LRMDA: variants seen among roughly 807,000 people sequenced by gnomAD.
LRMDA encodes the protein leucine-rich melanocyte differentiation-associated protein.
In LRMDA, 18 loss-of-function variants were observed where a neutral mutation model predicts 29.8. That is an observed-to-expected ratio of 0.60 (90% CI 0.42 to 0.90). The LOEUF is 0.90. LRMDA is among the 40% of genes least tolerant of loss of function. LRMDA has a pLI of 0.00. For synonymous variants in LRMDA, 125 were observed against 109.4 expected, an observed-to-expected ratio of 1.14 and a Z score of -0.89; for missense variants, 273 against 273.9, an observed-to-expected ratio of 1.00 and a Z score of 0.02.
chr10:76,359,373 G>A (rs1215179667), intron 6 of LRMDA, among the ~76,000 whole-genome samples: 1 of 152,120 alleles, frequency 6.6e-6, no homozygotes, highest in Non-Finnish European at 1.5e-5. Flanking sequence ...GAGAATATGA[G>A]ACATTCATTA....
intron 5 of LRMDA, among the ~76,000 whole-genome samples, chr10:76,160,647 C>A (rs113299930): frequency 1.4e-4 from 21 of 151,972 alleles, no homozygotes; most frequent in Non-Finnish European, 2.8e-4. Flanking sequence ...GAAATACTCC[C>A]GCCAAATTTA....
chr10:76,264,616 T>C (rs1312912), intron 5 of LRMDA, among the ~76,000 whole-genome samples: 95,170 of 151,796 alleles, frequency 0.63, 30,011 homozygotes, highest in East Asian at 0.79. Flanking sequence ...ATTCCAGCTT[T>C]ATCCCATAGG....
chr10:75,569,662 T>C (rs1292476066), intron 2 of LRMDA, among the ~76,000 whole-genome samples: 1 of 152,256 alleles, frequency 6.6e-6, no homozygotes, highest in African/African-American at 2.4e-5. Flanking sequence ...TTTACCCAGC[T>C]AAAATGAGCT....
chr10:76,113,071 G>C (rs146495833), intron 5 of LRMDA, among the ~76,000 whole-genome samples: 10 of 152,134 alleles, frequency 6.6e-5, no homozygotes, highest in Admixed American at 1.3e-4. Flanking sequence ...CTGTTAGTCC[G>C]AGCATGGGCA....
At chr10:75,995,020 A>C (rs1245426842) in intron 2 of LRMDA, among the ~76,000 whole-genome samples, 2 of 152,132 alleles carry the variant, frequency 1.3e-5, no homozygotes, top group South Asian at 2.1e-4. Context: ...TGGTTTTTCC[A>C]TTTATATTTT....
At chr10:76,435,201 A>G (rs1369694658) in intron 6 of LRMDA, among the ~76,000 whole-genome samples, 1 of 152,230 alleles carries the variant, frequency 6.6e-6, no homozygotes, top group East Asian at 1.9e-4. Flanking sequence ...GCCCAAGCAC[A>G]TCTCTTTGTG....
chr10:75,869,388 C>T (rs935922437), intron 2 of LRMDA, among the ~76,000 whole-genome samples: 2 of 152,168 alleles, frequency 1.3e-5, no homozygotes, highest in African/African-American at 4.8e-5. Flanking sequence ...GATATTCCGT[C>T]TTGAGGGTGA....
At chr10:76,363,150 AAAGAAAGAAAGAAAGAAAGAAAGAAAGG>A (rs1232793354) in intron 6 of LRMDA, among the ~76,000 whole-genome samples, 6 of 38,234 alleles carry the variant, frequency 1.6e-4, no homozygotes, top group African/African-American at 3.6e-4. Flanking sequence ...AGAAAGAAAG[AAAGAAAGAAAGAAAGAAAGAAAGAAAGG>A]AGGGAGGGAG....
intron 2 of LRMDA, among the ~76,000 whole-genome samples, chr10:75,763,541 T>G (rs1001093967): frequency 1.3e-5 from 2 of 152,198 alleles, no homozygotes; most frequent in Non-Finnish European, 2.9e-5. Flanking sequence ...CAAGTCACCT[T>G]GAAAAGAATA....
At chr10:75,666,202 CCTTT>C (rs1410597294) in intron 2 of LRMDA, among the ~76,000 whole-genome samples, 2 of 151,928 alleles carry the variant, frequency 1.3e-5, no homozygotes, top group Non-Finnish European at 2.9e-5. Flanking sequence ...AACTATATTA[CCTTT>C]CTAAGATCTG....
intron 2 of LRMDA, among the ~76,000 whole-genome samples, chr10:75,884,638 A>G (rs1845352532): frequency 6.6e-6 from 1 of 152,212 alleles, no homozygotes; most frequent in African/African-American, 2.4e-5. Flanking sequence ...TCCTTATTAC[A>G]TGAACCTGAC....
Position 76,212,440 on chromosome 10 carries a change from T to G in LRMDA, c.517-111961T>G, listed in dbSNP as rs142396438. On this transcript the variant is annotated intron_variant, in intron 5 of 6. Transcript: ENST00000611255. ...TTTTTTTTCTAATTATTGCTTCTAC[T>G]CCTGGGCCTCCCTTTTTTTTGGAAG... Among the ~76,000 whole-genome samples, 313 of 152,314 alleles carry G rather than the reference T, an allele frequency of 2.1e-3. 2 individuals are homozygous for G. The highest frequency in any genetic ancestry group is 7.3e-3 in the African/African-American group (303 of 41,582).
rs3012057 is a variant in LRMDA, at chr10:75,564,520, C to T, written c.131+126026C>T. Among the ~76,000 whole-genome samples, 651 of 152,356 alleles carry T rather than the reference C, an allele frequency of 4.3e-3. 7 individuals carry two copies. Among genetic ancestry groups the T allele is most frequent in the African/African-American group, 0.013 (545 of 41,584 alleles). ...CAATGCCTCATCCTGCTTCAGCGCG[C>T]GCATGGTGCGCTGCACCCACTGTCC... On this transcript the variant is annotated intron_variant, in intron 2 of 6. Coordinates refer to ENST00000611255, the MANE Select transcript of LRMDA (RefSeq NM_001305581.2).
chr10:75,595,525 A>G (rs1042791357), intron 2 of LRMDA, among the ~76,000 whole-genome samples: 3 of 150,126 alleles, frequency 2.0e-5, no homozygotes, highest in Non-Finnish European at 4.4e-5. Context: ...TTTATATATT[A>G]GTATGTATAT....
chr10:75,889,525 A>G (rs1187964662), intron 2 of LRMDA, among the ~76,000 whole-genome samples: 2 of 151,944 alleles, frequency 1.3e-5, no homozygotes, highest in Non-Finnish European at 1.5e-5. Flanking sequence ...TTTTTTTTCC[A>G]GGATCAAACT....
intron 6 of LRMDA, among the ~76,000 whole-genome samples, chr10:76,342,630 A>G (rs1294995879): frequency 6.6e-6 from 1 of 152,032 alleles, no homozygotes; most frequent in East Asian, 1.9e-4. Context: ...AAGGAAAAAT[A>G]AAGAAAATGC....
chr10:75,560,793 A>G (rs1361627713), intron 2 of LRMDA, among the ~76,000 whole-genome samples: 4 of 152,010 alleles, frequency 2.6e-5, no homozygotes, highest in Non-Finnish European at 1.5e-5. Flanking sequence ...TGAGATAATC[A>G]TGTGGTTTTT....
chr10:75,753,945 A>G (rs929450141), intron 2 of LRMDA, among the ~76,000 whole-genome samples: 4 of 152,352 alleles, frequency 2.6e-5, no homozygotes, highest in Non-Finnish European at 5.9e-5. Context: ...TTGCTGGTGC[A>G]TTGACTGTGG....
At chr10:76,293,998 A>T (rs1840381861) in intron 5 of LRMDA, among the ~76,000 whole-genome samples, 1 of 152,162 alleles carries the variant, frequency 6.6e-6, no homozygotes. Context: ...CTTGTTTTTA[A>T]TAATGCTTTC....
Sources: allele counts gnomAD v4.1 joint callset (sites outside exome capture counted in the v4.1 genomes callset), GRCh38; gene constraint gnomAD v4.1.1; transcripts MANE v1.5; gene names NCBI Gene and HGNC (gene_info 2026-07-23, HGNC 2026-07-21).